The following ATF7IP variants were observed in gnomAD, a reference collection of about 807,000 sequenced individuals.
The protein encoded by ATF7IP is activating transcription factor 7 interacting protein.
Under a neutral mutation model 106.4 loss-of-function variants are expected in ATF7IP, and 23 were observed. The ratio of observed to expected loss-of-function variants is 0.22; its 90% confidence interval spans 0.16 to 0.31. The LOEUF is 0.31. Among genes scored for constraint, ATF7IP ranks in the 10% least tolerant of loss-of-function variants. The pLI is 1.00. For missense variants in ATF7IP, 1,334 were observed against 1,524.3 expected (o/e 0.88, Z 2.08); for synonymous variants, 542 against 539.0 (o/e 1.01, Z -0.08).
intron 10 of ATF7IP, among the ~76,000 whole-genome samples, chr12:14,466,980 C>G (rs1214294170): frequency 6.6e-6 from 1 of 151,998 alleles, no homozygotes; most frequent in East Asian, 1.9e-4. Flanking sequence ...ACACTCTACC[C>G]CTACCACCTT....
chr12:14,461,030 T>C lies in ATF7IP; in HGVS notation c.2694T>C (p.Tyr898=). ...SLPTVGPSGL[Y]SPSTNRGPIQ... ...CCACAGTGGGCCCATCAGGACTCTATAGTCCATCAACTAATCGAGGTCCTA... is the reference window on the plus strand; with the variant it reads ...CCACAGTGGGCCCATCAGGACTCTACAGTCCATCAACTAATCGAGGTCCTA... Residue 898 remains tyrosine (Y), a synonymous_variant, in exon 9 of 15, where the codon TAT becomes TAC. Coordinates refer to ENST00000261168, the MANE Select transcript of ATF7IP (RefSeq NM_018179.5). 6 of 1,614,146 alleles carry C rather than the reference T, an allele frequency of 3.7e-6. No individual in the cohort carries two copies. The East Asian group carries it at 1.3e-4, about 36-fold the overall frequency.
chr12:14,374,949 G>A (rs879416815), intron 1 of ATF7IP, among the ~76,000 whole-genome samples: 5 of 151,556 alleles, frequency 3.3e-5, no homozygotes, highest in Admixed American at 6.6e-5. Flanking sequence ...GTTTCCTGGG[G>A]TTAGGAATCA....
At chr12:14,438,381 A>G in intron 5 of ATF7IP, 114 bp downstream of exon 5, 2 of 1,056,692 alleles carry the variant, frequency 1.9e-6, no homozygotes, top group East Asian at 2.7e-5. Context: ...AAATGTAAGA[A>G]GGAAAAGGAG....
chr12:14,457,150 T>G (rs1047072126), intron 7 of ATF7IP, 57 bp from the exon 8 acceptor site: 11 of 1,407,998 alleles, frequency 7.8e-6, no homozygotes, highest in Non-Finnish European at 9.0e-6. Context: ...TAGATATCAG[T>G]TGGTATTCCC....
intron 2 of ATF7IP, among the ~76,000 whole-genome samples, chr12:14,433,678 A>G (rs1175304802): frequency 6.6e-6 from 1 of 152,086 alleles, no homozygotes; most frequent in African/African-American, 2.4e-5. Context: ...CTCAAAAAAA[A>G]AAAAGAAAAG....
chr12:14,392,988 G>A (rs1939648327), intron 1 of ATF7IP, among the ~76,000 whole-genome samples: 1 of 152,160 alleles, frequency 6.6e-6, no homozygotes, highest in Non-Finnish European at 1.5e-5. Context: ...CATTTTAGCA[G>A]TGAGCTAGAT....
rs370459735 is a variant in ATF7IP, at chr12:14,437,870, G to A, written c.1792-260G>A. Among the ~76,000 whole-genome samples the A allele has an allele frequency of 2.6e-5, 4 of 151,950 alleles. No homozygotes were observed. In the South Asian group the frequency reaches 6.2e-4, roughly 24 times the overall value. On this transcript the variant is annotated intron_variant, in intron 4 of 14. Transcript: ENST00000261168. Reference sequence around the variant, plus strand: ...AGATCGAGACCATCCCGGCTAAAACGGTGAAACCCCGTCTCTACTAAAAAT... The same window carrying A: ...AGATCGAGACCATCCCGGCTAAAACAGTGAAACCCCGTCTCTACTAAAAAT...
intron 11 of ATF7IP, 42 bp downstream of exon 11, chr12:14,476,010 T>C (rs1944251685): frequency 1.4e-6 from 2 of 1,405,562 alleles, no homozygotes; most frequent in African/African-American, 2.8e-5. Context: ...TTTGATACCA[T>C]TTTTTTTGTC....
rs76413126 is a variant in ATF7IP at position 14,470,198 on chromosome 12, C to A, written c.2862+3608C>A. On this transcript the variant is annotated intron_variant, in intron 10 of 14. Coordinates refer to ENST00000261168, the MANE Select transcript of ATF7IP (RefSeq NM_018179.5). The stretch of plus-strand genomic sequence containing the variant: ...ACCAGCTCTTCTGCGTGAACTCTTT[C>A]TTCACATTTGCTGAAGTGTGCCTTT... Among the ~76,000 whole-genome samples the A allele has an allele frequency of 4.3e-3, 661 of 152,298 alleles. 3 individuals are homozygous for A. The highest frequency in any genetic ancestry group is 0.015 in the African/African-American group (636 of 41,562).
intron 1 of ATF7IP, among the ~76,000 whole-genome samples, chr12:14,402,106 T>G (rs1940256819): frequency 6.7e-6 from 1 of 148,364 alleles, no homozygotes; most frequent in East Asian, 2.0e-4. Flanking sequence ...CTCTCTCTCT[T>G]TTTCTTTTCT....
intron 1 of ATF7IP, among the ~76,000 whole-genome samples, chr12:14,393,758 ATTG>A (rs1939698050): frequency 6.6e-6 from 1 of 152,150 alleles, no homozygotes; most frequent in Non-Finnish European, 1.5e-5. Context: ...TAGTTTCTGG[ATTG>A]TTACTTTAAA....
In ATF7IP at chr12:14,498,192, T is replaced by C; in HGVS notation, c.*119T>C. 1.1e-6 allele frequency: 1 copy of C among 925,486 alleles called. No individual in the cohort carries two copies. The highest frequency in any genetic ancestry group is 1.6e-6 in the Non-Finnish European group (1 of 613,480). The allele number at this position is 925,486 out of a possible 1,614,324, so 57.3% of individuals were successfully genotyped here. On this transcript the variant is annotated 3_prime_UTR_variant, in exon 15 of 15. Coordinates refer to ENST00000261168, the MANE Select transcript of ATF7IP (RefSeq NM_018179.5). ...GTGCAAGATTTCTTGGACAGATGTG[T>C]GTATACACTACATTTGTTTATAACC...
chr12:14,478,338 C>G lies in ATF7IP; in HGVS notation c.2963C>G (p.Thr988Ser). 6.2e-7 allele frequency: 1 copy of G among 1,613,988 alleles called. No homozygotes were observed. The highest frequency in any genetic ancestry group is 8.5e-7 in the Non-Finnish European group (1 of 1,179,930). ...ASQDPKKLNH[T>S]PVSTMSSSQP... ...ACAGACCCCAAAAAACTAAATCACACTCCTGTATCAACCATGAGTTCTTCT... is the reference window on the plus strand; with the variant it reads ...ACAGACCCCAAAAAACTAAATCACAGTCCTGTATCAACCATGAGTTCTTCT... The change falls in exon 12 of 15, where the codon ACT (threonine) becomes AGT (serine). Residue 988 changes from threonine (T) to serine (S), a missense_variant. Around this residue, in one of 10 missense-constraint regions of ATF7IP, gnomAD observed 370 missense variants for 401.2 expected, o/e 0.92. Transcript: ENST00000261168.
chr12:14,483,937 A>C (rs1365939549), intron 13 of ATF7IP, among the ~76,000 whole-genome samples: 3 of 152,150 alleles, frequency 2.0e-5, no homozygotes, highest in African/African-American at 7.2e-5. Flanking sequence ...ATGACGGTGG[A>C]TAAGGCATTC....
Position 14,424,345 on chromosome 12 carries a change from C to A in ATF7IP, c.430C>A (p.Pro144Thr). ...CCCTGGTGATCTGGATGCCGGAGAT[C>A]CAGCCTCCGGAGTACTGGCCTCTGG... The part of the protein sequence containing the change: ...PAPGDLDAGD[P>T]ASGVLASGDS... Residue 144 changes from proline to threonine, a missense_variant, in exon 2 of 15, where the codon CCA becomes ACA. Pro to Thr is a conservative substitution (Grantham distance 38). Transcript: ENST00000261168. The A allele has an allele frequency of 6.2e-7, 1 of 1,614,184 alleles. No homozygotes were observed. Among genetic ancestry groups the A allele is most frequent in the Non-Finnish European group, 8.5e-7 (1 of 1,180,038 alleles).
chr12:14,373,357 G>A (rs192966763), intron 1 of ATF7IP, among the ~76,000 whole-genome samples: 6 of 152,274 alleles, frequency 3.9e-5, no homozygotes, highest in African/African-American at 1.4e-4. Flanking sequence ...GAGTTTGTAA[G>A]TGGTTTTGCC....
At chr12:14,431,728 A>T (rs1461820743) in intron 2 of ATF7IP, among the ~76,000 whole-genome samples, 2 of 152,118 alleles carry the variant, frequency 1.3e-5, no homozygotes, top group Non-Finnish European at 2.9e-5. Context: ...TATTTGGATG[A>T]GTTTCAGGAG....
At chr12:14,403,937 G>T (rs1940403841) in intron 1 of ATF7IP, among the ~76,000 whole-genome samples, 1 of 152,096 alleles carries the variant, frequency 6.6e-6, no homozygotes, top group African/African-American at 2.4e-5. Context: ...TATAAATAGG[G>T]TTATGAGCAG....
intron 11 of ATF7IP, among the ~76,000 whole-genome samples, chr12:14,477,577 G>A (rs987877802): frequency 6.6e-6 from 1 of 152,176 alleles, no homozygotes; most frequent in African/African-American, 2.4e-5. Flanking sequence ...ATGCCTCATG[G>A]GGTCTTTTTG....
Sources: gnomAD v4.1 joint callset for allele counts (sites outside exome capture counted in the v4.1 genomes callset) on GRCh38, gnomAD v4.1.1 for gene constraint, gnomAD v4.1.1 regional missense constraint, MANE v1.5 for transcripts, NCBI Gene and HGNC (gene_info 2026-07-23, HGNC 2026-07-21) for gene names.